CFAP54: variants seen among roughly 807,000 people sequenced by gnomAD.
CFAP54 encodes the protein cilia- and flagella-associated protein 54.
In CFAP54, 290 loss-of-function variants were observed where a neutral mutation model predicts 370.4. That is an observed-to-expected ratio of 0.78 (90% CI 0.71 to 0.86). CFAP54 has a LOEUF of 0.86. CFAP54 is among the 40% of genes least tolerant of loss of function. The pLI, the probability that CFAP54 is intolerant of heterozygous loss-of-function variation, is 0.00. For missense variants in CFAP54, 3,399 were observed against 3,528.7 expected (o/e 0.96, Z 0.93); for synonymous variants, 1,206 against 1,236.5 (o/e 0.98, Z 0.52).
intron 26 of CFAP54, among the ~76,000 whole-genome samples, chr12:96,616,599 C>G (rs1956421421): frequency 6.6e-6 from 1 of 152,120 alleles, no homozygotes; most frequent in African/African-American, 2.4e-5. Context: ...AGCTCAAAGG[C>G]AAATATTAGG....
At chr12:96,823,270 G>GT (rs1299349186) in intron 65 of CFAP54, among the ~76,000 whole-genome samples, 2 of 152,102 alleles carry the variant, frequency 1.3e-5, no homozygotes, top group Non-Finnish European at 2.9e-5. Flanking sequence ...CAAATATCCT[G>GT]TATTAGTTAG....
chr12:96,783,876 A>C (rs1383997676), intron 60 of CFAP54, among the ~76,000 whole-genome samples: 1 of 152,174 alleles, frequency 6.6e-6, no homozygotes, highest in Non-Finnish European at 1.5e-5. Context: ...ACAAAAGCGA[A>C]ACTCCATCTC....
At chr12:96,654,479 C>T (rs1343702629) in intron 36 of CFAP54, among the ~76,000 whole-genome samples, 1 of 140,274 alleles carries the variant, frequency 7.1e-6, no homozygotes, top group Non-Finnish European at 1.5e-5. Flanking sequence ...CCAGCCTGGG[C>T]GACAGAGCGA....
chr12:96,612,651 A>C (rs988290112), intron 26 of CFAP54, among the ~76,000 whole-genome samples: 1 of 152,228 alleles, frequency 6.6e-6, no homozygotes, highest in Non-Finnish European at 1.5e-5. Flanking sequence ...CCCATCTCAC[A>C]TGCGGAGACC....
intron 17 of CFAP54, among the ~76,000 whole-genome samples, chr12:96,556,811 C>A (rs1381521241): frequency 6.6e-6 from 1 of 152,042 alleles, no homozygotes; most frequent in Non-Finnish European, 1.5e-5. Context: ...GATAGAAAAC[C>A]AAATACTGCA....
chr12:96,659,589 T>G (rs1014265280), intron 38 of CFAP54, among the ~76,000 whole-genome samples: 9 of 152,260 alleles, frequency 5.9e-5, no homozygotes, highest in Non-Finnish European at 1.3e-4. Context: ...TTAGTATTTT[T>G]CAATGGAGAA....
At chr12:96,564,989 T>C (rs1031581938) in intron 19 of CFAP54, 1 of 277,892 alleles carries the variant, frequency 3.6e-6, no homozygotes. Flanking sequence ...GCAATCTACA[T>C]GAGAAGACAA....
intron 60 of CFAP54, among the ~76,000 whole-genome samples, chr12:96,772,296 AGGTCTTATTG>A (rs767868357): frequency 1.3e-5 from 2 of 152,128 alleles, no homozygotes; most frequent in Non-Finnish European, 2.9e-5. Context: ...AGTCCAAAAT[AGGTCTTATTG>A]GGCTAATTCA....
intron 4 of CFAP54, among the ~76,000 whole-genome samples, chr12:96,507,435 T>G (rs983371271): frequency 6.6e-6 from 1 of 152,072 alleles, no homozygotes; most frequent in Admixed American, 6.6e-5. Context: ...ACCCATTTAC[T>G]GGCCCTGTCC....
At chr12:96,868,504 A>AT (rs1212527160) in intron 67 of CFAP54, among the ~76,000 whole-genome samples, 15 of 147,880 alleles carry the variant, frequency 1.0e-4, no homozygotes, top group African/African-American at 1.5e-4. Flanking sequence ...ATTTTTGTGA[A>AT]TTTTTTTTTA....
chr12:96,817,558 C>T (rs1958989863), intron 64 of CFAP54, among the ~76,000 whole-genome samples: 1 of 151,936 alleles, frequency 6.6e-6, no homozygotes, highest in African/African-American at 2.4e-5. Context: ...GTAGCTGGCA[C>T]TACAGGCGCC....
At chr12:96,590,881 T>G (rs1169249447) in intron 23 of CFAP54, among the ~76,000 whole-genome samples, 3 of 152,316 alleles carry the variant, frequency 2.0e-5, no homozygotes, top group Admixed American at 2.0e-4. Context: ...GTAGGTTTAT[T>G]TATCTAGTGC....
intron 26 of CFAP54, among the ~76,000 whole-genome samples, 187 bp downstream of exon 26, chr12:96,598,954 G>A (rs1449476798): frequency 2.0e-5 from 3 of 151,934 alleles, no homozygotes; most frequent in Non-Finnish European, 4.4e-5. Flanking sequence ...TGATGAAACT[G>A]TGGTGCTTCA....
intron 36 of CFAP54, among the ~76,000 whole-genome samples, chr12:96,655,404 G>T (rs993774301): frequency 6.6e-6 from 1 of 151,842 alleles, no homozygotes; most frequent in East Asian, 1.9e-4. Flanking sequence ...CTTTACAAAA[G>T]TATCCAGGTA....
chr12:96,538,739 C>T (rs1054498632), intron 13 of CFAP54: 15 of 485,520 alleles, frequency 3.1e-5, no homozygotes, highest in South Asian at 7.9e-5. Flanking sequence ...TTGTGAGGAG[C>T]GAAGAGGTGT....
intron 48 of CFAP54, among the ~76,000 whole-genome samples, chr12:96,712,687 C>T (rs551746691): frequency 1.2e-4 from 18 of 152,204 alleles, no homozygotes; most frequent in Admixed American, 2.0e-4. Context: ...CCCATCTCCC[C>T]TTCCCAGCCT....
chr12:96,811,381 C>T (rs781753376), intron 63 of CFAP54, among the ~76,000 whole-genome samples: 15 of 152,108 alleles, frequency 9.9e-5, no homozygotes, highest in Non-Finnish European at 1.5e-4. Context: ...CTTATGGGAA[C>T]GGTACACATT....
intron 65 of CFAP54, among the ~76,000 whole-genome samples, chr12:96,824,284 T>TCTGTA (rs1959063103): frequency 6.6e-6 from 1 of 152,118 alleles, no homozygotes; most frequent in Non-Finnish European, 1.5e-5. Context: ...TGTATGCGGT[T>TCTGTA]TACCTCAAGT....
chr12:96,556,095 A>G (rs1365035790), intron 17 of CFAP54, among the ~76,000 whole-genome samples: 1 of 152,088 alleles, frequency 6.6e-6, no homozygotes, highest in African/African-American at 2.4e-5. Flanking sequence ...CCCATACACA[A>G]AAATATCTTC....
Sources: allele counts gnomAD v4.1 joint callset (sites outside exome capture counted in the v4.1 genomes callset), GRCh38; gene constraint gnomAD v4.1.1; transcripts MANE v1.5; gene names NCBI Gene and HGNC (gene_info 2026-07-23, HGNC 2026-07-21).